Variants in CNTN1 observed in about 807,000 individuals in gnomAD.
CNTN1 encodes contactin-1.
CNTN1 carries 38 observed loss-of-function variants against 126.4 expected under a neutral mutation model. The ratio of observed to expected loss-of-function variants is 0.30; its 90% CI spans 0.23 to 0.39. The LOEUF is 0.39. CNTN1 is among the 10% of genes least tolerant of loss of function. CNTN1 has a pLI of 1.00. For synonymous variants in CNTN1, 413 were observed against 422.6 expected, an observed-to-expected ratio of 0.98 and a Z score of 0.28; for missense variants, 1,009 against 1,248.4, an observed-to-expected ratio of 0.81 and a Z score of 2.89.
chr12:40,901,109 A>T (rs761728628), intron 1 of CNTN1, among the ~76,000 whole-genome samples: 23 of 152,152 alleles, frequency 1.5e-4, no homozygotes, highest in Non-Finnish European at 3.1e-4. Context: ...ATCCTGACCA[A>T]ATCTCTCACA....
At chr12:40,827,533 A>G (rs1941654526) in intron 1 of CNTN1, among the ~76,000 whole-genome samples, 1 of 152,122 alleles carries the variant, frequency 6.6e-6, no homozygotes, top group Non-Finnish European at 1.5e-5. Context: ...GATAGCGAAA[A>G]GCCAATTCCT....
intron 19 of CNTN1, 57 bp from the exon 20 acceptor site, chr12:41,020,280 C>A (rs1405082329): frequency 2.7e-6 from 3 of 1,120,454 alleles, no homozygotes; most frequent in South Asian, 1.3e-5. Context: ...TGATGCTATT[C>A]GAATTTCTTA....
chr12:40,888,134 T>C lies in CNTN1; in HGVS notation c.-76-20223T>C, dbSNP rs147566710. Reference sequence around the variant, plus strand: ...ACATATGTAACAAACCTGCACATTGTGCACATGTACCCTGAAACTTAAAGT... The same window carrying C: ...ACATATGTAACAAACCTGCACATTGCGCACATGTACCCTGAAACTTAAAGT... On this transcript the variant is annotated intron_variant, in intron 1 of 23. Coordinates refer to ENST00000551295, the MANE Select transcript of CNTN1 (RefSeq NM_001843.4). 1.0e-3 allele frequency among the ~76,000 whole-genome samples: 153 copies of C among 152,198 alleles called. 1 individual carries two copies. In the East Asian group the frequency reaches 0.017, roughly 17 times the overall value.
chr12:40,961,660 G>T (rs548267729), intron 15 of CNTN1, among the ~76,000 whole-genome samples: 3 of 150,390 alleles, frequency 2.0e-5, no homozygotes, highest in African/African-American at 4.8e-5. Flanking sequence ...TAAGATTTTC[G>T]TAGCCAGCAA....
Position 40,890,259 on chromosome 12 carries a change from T to A in CNTN1, c.-76-18098T>A, listed in dbSNP as rs182872926. Among the ~76,000 whole-genome samples, 501 of 152,270 alleles carry A rather than the reference T, an allele frequency of 3.3e-3. 1 individual carries two copies. The highest frequency in any genetic ancestry group is 6.8e-3 in the Middle Eastern group (2 of 294). Reference sequence around the variant, plus strand: ...TAACAGCGAGTTCTCATATACCCCTTGTCTCCTCACACATAGCCTCCCCCA... The same window carrying A: ...TAACAGCGAGTTCTCATATACCCCTAGTCTCCTCACACATAGCCTCCCCCA... On this transcript the variant is annotated intron_variant, in intron 1 of 23. Transcript: ENST00000551295.
intron 15 of CNTN1, chr12:40,971,976 T>C (rs941992401): frequency 4.9e-5 from 49 of 1,002,206 alleles, no homozygotes; most frequent in Non-Finnish European, 5.7e-5. Context: ...AAAAGGGGCA[T>C]TACTCCGGCA....
rs1317000001 is a variant in CNTN1 at position 40,922,409 on chromosome 12, A to G, written c.381A>G (p.Glu127=). The G allele has an allele frequency of 6.2e-7, 1 of 1,614,042 alleles. No individual in the cohort carries two copies. The highest frequency in any genetic ancestry group is 1.3e-5 in the African/African-American group (1 of 75,028). The change falls in exon 5 of 24, where the codon GAA becomes GAG. Residue 127 remains glutamate (E), a synonymous_variant. Coordinates refer to ENST00000551295, the MANE Select transcript of CNTN1 (RefSeq NM_001843.4). ...ACTACGGGATGGTCAGAAGCACTGA[A>G]GCAACCCTGAGCTTTGGATGTAAGT... is the stretch of plus-strand genomic sequence containing the variant. ...SNNYGMVRST[E]ATLSFGYLDP... is the part of the protein sequence containing the mutation.
chr12:41,052,639 A>C (rs139320732), intron 23 of CNTN1, among the ~76,000 whole-genome samples: 1,871 of 152,210 alleles, frequency 0.012, 143 homozygotes, highest in Admixed American at 0.11. Context: ...ATAACTTATA[A>C]GTAAATATTT....
chr12:40,970,010 C>T (rs972751503), intron 15 of CNTN1, among the ~76,000 whole-genome samples: 5 of 152,134 alleles, frequency 3.3e-5, no homozygotes, highest in African/African-American at 9.7e-5. Context: ...ATAATGAGAG[C>T]TTGACCCCGC....
chr12:40,731,929 C>T (rs1039370856), intron 1 of CNTN1, among the ~76,000 whole-genome samples: 1 of 151,920 alleles, frequency 6.6e-6, no homozygotes, highest in Non-Finnish European at 1.5e-5. Flanking sequence ...ACATAACATG[C>T]ATGTATTACT....
At chr12:40,915,619 C>A (rs75862554) in intron 3 of CNTN1, among the ~76,000 whole-genome samples, 1,914 of 151,976 alleles carry the variant, frequency 0.013, 25 homozygotes, top group African/African-American at 0.042. Context: ...TTGTAGAATG[C>A]AAGTCAGAGA....
intron 16 of CNTN1, among the ~76,000 whole-genome samples, chr12:40,992,392 T>G (rs1948116391): frequency 6.6e-6 from 1 of 152,146 alleles, no homozygotes; most frequent in Non-Finnish European, 1.5e-5. Flanking sequence ...GGTATTTATA[T>G]GGATAGGTTG....
At chr12:40,825,488 A>G (rs1371083272) in intron 1 of CNTN1, among the ~76,000 whole-genome samples, 1 of 152,172 alleles carries the variant, frequency 6.6e-6, no homozygotes, top group Non-Finnish European at 1.5e-5. Context: ...TACATGCACT[A>G]TAAAATTCAA....
intron 1 of CNTN1, among the ~76,000 whole-genome samples, chr12:40,798,498 C>T (rs1225492543): frequency 1.3e-5 from 2 of 151,746 alleles, no homozygotes; most frequent in South Asian, 2.1e-4. Context: ...AAGGGTGTTC[C>T]CCAGAGCAAT....
chr12:40,939,040 C>A (rs539218842), intron 11 of CNTN1, among the ~76,000 whole-genome samples: 2 of 152,216 alleles, frequency 1.3e-5, no homozygotes, highest in African/African-American at 4.8e-5. Context: ...TCTGAAACTG[C>A]TGGGATTATA....
chr12:41,048,618 C>A (rs1315719959), intron 23 of CNTN1, among the ~76,000 whole-genome samples: 1 of 151,802 alleles, frequency 6.6e-6, no homozygotes, highest in African/African-American at 2.4e-5. Context: ...TTTGATTTTT[C>A]TCATCACCAT....
intron 3 of CNTN1, among the ~76,000 whole-genome samples, chr12:40,914,070 A>T (rs1206194643): frequency 6.6e-6 from 1 of 152,172 alleles, no homozygotes; most frequent in African/African-American, 2.4e-5. Context: ...ATTAAAAAAT[A>T]ATTTTAGTTT....
chr12:41,069,839 T>C (rs916946143), intron 23 of CNTN1, 120 bp from the exon 24 acceptor site: 1 of 775,246 alleles, frequency 1.3e-6, no homozygotes, highest in African/African-American at 1.7e-5. Context: ...GATTCTGTTT[T>C]GTGAAAGGAC....
At chr12:40,724,085 T>C (rs1282845341) in intron 1 of CNTN1, among the ~76,000 whole-genome samples, 1 of 152,196 alleles carries the variant, frequency 6.6e-6, no homozygotes, top group Non-Finnish European at 1.5e-5. Context: ...GGATTCATTA[T>C]TATATATTCA....
Sources: allele counts gnomAD v4.1 joint callset (sites outside exome capture counted in the v4.1 genomes callset), GRCh38; gene constraint gnomAD v4.1.1; transcripts MANE v1.5; gene names NCBI Gene and HGNC (gene_info 2026-07-23, HGNC 2026-07-21).